MYOF: variants seen among roughly 807,000 people sequenced by gnomAD.
The protein encoded by MYOF is myoferlin.
In MYOF, 244 loss-of-function variants were observed where a neutral mutation model predicts 284.2. The observed-to-expected ratio is 0.86, with a 90% CI of 0.77 to 0.95. MYOF has a LOEUF of 0.95. Ranked by LOEUF, MYOF falls within the 40% of genes least tolerant of loss-of-function variation. The pLI is 0.00. For synonymous variants in MYOF, 904 were observed against 919.7 expected (o/e 0.98, Z 0.31); for missense variants, 2,496 against 2,560.6 (o/e 0.97, Z 0.54).
Position 93,402,334 on chromosome 10 carries a change from C to T in MYOF, c.888G>A (p.Met296Ile), listed in dbSNP as rs1847334304. Residue 296 changes from methionine to isoleucine, a missense_variant, in exon 11 of 54, where the codon ATG becomes ATA. This residue lies in a region of MYOF where 2,436 missense variants were observed against 2,480.7 expected (regional missense o/e 0.98). Transcript: ENST00000359263. ...GGTCATTGAGAAGAAGCCACTTTCT[C>T]ATGACAGCATGGCCTAAAATAGAGA... ...FVYDEPGHAV[M>I]RKWLLLNDPE... 1.9e-6 allele frequency: 3 copies of T among 1,613,560 alleles called. No individual in the cohort carries two copies. The highest frequency in any genetic ancestry group is 1.7e-6 in the Non-Finnish European group (2 of 1,179,614).
At chr10:93,406,874 G>A (rs1370224999) in intron 7 of MYOF, among the ~76,000 whole-genome samples, 1 of 152,098 alleles carries the variant, frequency 6.6e-6, no homozygotes, top group African/African-American at 2.4e-5. Flanking sequence ...CGCCAGAGCT[G>A]GGATTAGAGC....
At chr10:93,387,397 A>T (rs1379445157) in intron 19 of MYOF, among the ~76,000 whole-genome samples, 1 of 152,210 alleles carries the variant, frequency 6.6e-6, no homozygotes, top group East Asian at 1.9e-4. Flanking sequence ...TCAAGGAGGA[A>T]GCGGGGTTCA....
chr10:93,343,995 T>TC lies in MYOF; in HGVS notation c.4250-64dup, dbSNP rs1844054118. ...AGAAATACAGTGGTGAACATTCTAC[T>TC]CCAAGTTCAAGTTTAACAGCCATAG... On this transcript the variant is annotated intron_variant, in intron 37 of 53. Transcript: ENST00000359263. 1.4e-5 allele frequency: 22 copies of TC among 1,580,588 alleles called. No homozygotes were observed. In the South Asian group the frequency reaches 2.5e-4, roughly 18 times the overall value.
In MYOF at chr10:93,351,177, A is replaced by G; in HGVS notation, c.3921+20T>C. 3.7e-6 allele frequency: 6 copies of G among 1,608,670 alleles called. No homozygotes were observed. The highest frequency in any genetic ancestry group is 5.1e-6 in the Non-Finnish European group (6 of 1,175,114). ...TCACATCCGTTTGATTTGATGAGTAACACGTGGGGAGCAGCATACCTCAAT... is the reference window on the plus strand; with the variant it reads ...TCACATCCGTTTGATTTGATGAGTAGCACGTGGGGAGCAGCATACCTCAAT... On this transcript the variant is annotated intron_variant, in intron 35 of 53. Coordinates refer to ENST00000359263, the MANE Select transcript of MYOF (RefSeq NM_013451.4).
chr10:93,422,401 T>A (rs1477673650), intron 5 of MYOF, among the ~76,000 whole-genome samples: 1 of 152,210 alleles, frequency 6.6e-6, no homozygotes, highest in Non-Finnish European at 1.5e-5. Flanking sequence ...TTCAGTCTAC[T>A]GTCCTGCTGG....
At chr10:93,372,413 G>A (rs1193266934) in intron 24 of MYOF, among the ~76,000 whole-genome samples, 4 of 152,132 alleles carry the variant, frequency 2.6e-5, no homozygotes, top group Non-Finnish European at 5.9e-5. Context: ...GAAGGCCTGT[G>A]GCTCTCGTCA....
In MYOF at chr10:93,343,722, C is replaced by T. The variant is rs1177247676; in HGVS notation, c.4326+134G>A. ...CAAGATTTAGACTCTTGTCTGTACTCAGTCCTCAATAAATGGATTGGCTGA... is the reference window on the plus strand; with the variant it reads ...CAAGATTTAGACTCTTGTCTGTACTTAGTCCTCAATAAATGGATTGGCTGA... On this transcript the variant is annotated intron_variant, in intron 38 of 53. Transcript: ENST00000359263. 7 of 857,458 alleles carry T rather than the reference C, an allele frequency of 8.2e-6. 1 individual carries two copies. In the Middle Eastern group the frequency reaches 7.6e-4, roughly 94 times the overall value. 53.1% of individuals were successfully genotyped at this position (857,458 alleles called of 1,614,324 possible).
chr10:93,371,921 C>G (rs1564658401), intron 24 of MYOF, among the ~76,000 whole-genome samples: 1 of 152,112 alleles, frequency 6.6e-6, no homozygotes, highest in Admixed American at 6.5e-5. Flanking sequence ...CCTCTCCCAC[C>G]CCCTGTGAAG....
intron 32 of MYOF, among the ~76,000 whole-genome samples, 184 bp from the exon 33 acceptor site, chr10:93,352,030 C>T (rs1469188258): frequency 6.6e-6 from 1 of 152,166 alleles, no homozygotes; most frequent in African/African-American, 2.4e-5. Flanking sequence ...GCAGCAGAGG[C>T]ACCTGAAGCG....
chr10:93,333,195 G>C, intron 43 of MYOF, 26 bp downstream of exon 43: 1 of 1,590,360 alleles, frequency 6.3e-7, no homozygotes, highest in East Asian at 2.2e-5. Context: ...ATGAAGGCCA[G>C]AAAAACATTT....
Position 93,342,007 on chromosome 10 carries a change from A to G in MYOF, c.4327-1843T>C, listed in dbSNP as rs979556830. On this transcript the variant is annotated intron_variant, in intron 38 of 53. Coordinates refer to ENST00000359263, the MANE Select transcript of MYOF (RefSeq NM_013451.4). The stretch of plus-strand genomic sequence containing the variant: ...GGTAATTGTTGAGATGGCCATGTAC[A>G]CATGTCCATGTTATCTGGCTAGCAC... 7.1e-6 allele frequency: 9 copies of G among 1,270,080 alleles called. No individual in the cohort carries two copies. The African/African-American group carries it at 1.4e-4, about 19-fold the overall frequency. 78.7% of individuals were successfully genotyped at this position (1,270,080 alleles called of 1,614,324 possible).
intron 37 of MYOF, among the ~76,000 whole-genome samples, chr10:93,344,503 G>A (rs917189603): frequency 6.6e-6 from 1 of 151,960 alleles, no homozygotes; most frequent in African/African-American, 2.4e-5. Context: ...CATACAGAGA[G>A]CCTACATCTA....
At chr10:93,360,385 T>C (rs1589441490) in intron 28 of MYOF, among the ~76,000 whole-genome samples, 2 of 152,380 alleles carry the variant, frequency 1.3e-5, no homozygotes, top group South Asian at 4.1e-4. Context: ...TTGGTAAACC[T>C]GCCTATGGCC....
chr10:93,450,681 A>C (rs978216478), intron 3 of MYOF, among the ~76,000 whole-genome samples: 2 of 152,212 alleles, frequency 1.3e-5, no homozygotes, highest in African/African-American at 4.8e-5. Flanking sequence ...TGTCTCAAGC[A>C]ATCAGAGCAT....
Position 93,366,447 on chromosome 10 carries a change from GA to G in MYOF, c.2697del (p.Leu900CysfsTer13). 6.2e-7 allele frequency: 1 copy of G among 1,613,950 alleles called. No individual in the cohort carries two copies. Reference sequence around the variant, plus strand: ...TCCCATTCCCAGCCTTTTGGAGGCAGAAAAAATTCCCTCTTGAGTTTTATTT... The same window carrying G: ...TCCCATTCCCAGCCTTTTGGAGGCAGAAAAATTCCCTCTTGAGTTTTATTT... ...TGKIKLKREFFLPPKGWEWEG... is the reference protein window; with the variant it reads ...TGKIKLKREFXLPPKGWEWEG... On this transcript the variant is annotated frameshift_variant, in exon 26 of 54. Coordinates refer to ENST00000359263, the MANE Select transcript of MYOF (RefSeq NM_013451.4). LOFTEE classifies it high-confidence loss of function.
At chr10:93,337,794 T>C (rs772278268) in intron 40 of MYOF, 21 bp downstream of exon 40, 18 of 1,596,794 alleles carry the variant, frequency 1.1e-5, no homozygotes, top group African/African-American at 5.4e-5. Flanking sequence ...TCTCCACCCA[T>C]AGCAGCATAG....
intron 1 of MYOF, among the ~76,000 whole-genome samples, chr10:93,476,314 C>T (rs1432719964): frequency 3.7e-5 from 5 of 135,112 alleles, no homozygotes; most frequent in Admixed American, 1.7e-4. Flanking sequence ...TGCAGTGGCG[C>T]GATCTCAGCT....
In MYOF at chr10:93,339,367, T is replaced by TTGTG. The variant is rs35070199; in HGVS notation, c.4338+782_4338+785dup. Among the ~76,000 whole-genome samples the TTGTG allele has an allele frequency of 2.1e-3, 312 of 150,336 alleles. 1 individual carries two copies. Among genetic ancestry groups the TTGTG allele is most frequent in the East Asian group, 0.011 (53 of 5,006 alleles). ...ATATGTTACATTATATGCTTCTTAT[T>TTGTG]TGTGTGTGTGTGTGTGTGTGTGTGT... On this transcript the variant is annotated intron_variant, in intron 39 of 53. Coordinates refer to ENST00000359263, the MANE Select transcript of MYOF (RefSeq NM_013451.4).
At chr10:93,353,395 G>C (rs1844622100) in intron 32 of MYOF, among the ~76,000 whole-genome samples, 1 of 152,108 alleles carries the variant, frequency 6.6e-6, no homozygotes, top group Non-Finnish European at 1.5e-5. Flanking sequence ...CTCAAAGCCT[G>C]GTGCTGTAGG....
Sources: allele counts gnomAD v4.1 joint callset (sites outside exome capture counted in the v4.1 genomes callset), GRCh38; gene constraint gnomAD v4.1.1; regional missense constraint gnomAD v4.1.1; transcripts MANE v1.5; gene names NCBI Gene and HGNC (gene_info 2026-07-23, HGNC 2026-07-21).